RBMS3: variants seen among roughly 807,000 people sequenced by gnomAD.
The protein encoded by RBMS3 is RNA-binding motif, single-stranded-interacting protein 3.
RBMS3 carries 27 observed loss-of-function variants against 66.8 expected under a neutral mutation model. The observed-to-expected ratio is 0.40, with a 90% CI of 0.30 to 0.56. The LOEUF is 0.56. Among genes scored for constraint, RBMS3 ranks in the 20% least tolerant of loss-of-function variants. The pLI is 0.40. For synonymous variants in RBMS3, 188 were observed against 183.0 expected (o/e 1.03, Z -0.22); for missense variants, 513 against 549.5 (o/e 0.93, Z 0.66).
chr3:29,331,714 A>G (rs1043520339), intron 1 of RBMS3, among the ~76,000 whole-genome samples: 2 of 151,438 alleles, frequency 1.3e-5, no homozygotes, highest in Admixed American at 6.6e-5. Context: ...GATTCTGTCC[A>G]TGGAAATCAC....
chr3:29,656,075 T>A, intron 4 of RBMS3, among the ~76,000 whole-genome samples: 1 of 152,156 alleles, frequency 6.6e-6, no homozygotes, highest in East Asian at 1.9e-4. Flanking sequence ...AGTCAAAAAG[T>A]TTTTTTAATT....
At chr3:29,320,936 TA>T (rs527826804) in intron 1 of RBMS3, among the ~76,000 whole-genome samples, 3,140 of 144,148 alleles carry the variant, frequency 0.022, 89 homozygotes, top group African/African-American at 0.068. Context: ...TTTGTGAATG[TA>T]AAAAAAAAAA....
At chr3:29,332,090 G>T (rs538236454) in intron 1 of RBMS3, among the ~76,000 whole-genome samples, 1 of 151,770 alleles carries the variant, frequency 6.6e-6, no homozygotes, top group Non-Finnish European at 1.5e-5. Flanking sequence ...AGTATACCTA[G>T]GTTTGTGATA....
intron 11 of RBMS3, among the ~76,000 whole-genome samples, chr3:29,939,337 T>C (rs1407997841): frequency 2.0e-5 from 3 of 151,968 alleles, no homozygotes; most frequent in Admixed American, 1.3e-4. Context: ...TTAGAGAAGA[T>C]GTATTTTCCA....
chr3:29,324,812 T>C (rs2035223857), intron 1 of RBMS3, among the ~76,000 whole-genome samples: 1 of 152,146 alleles, frequency 6.6e-6, no homozygotes, highest in African/African-American at 2.4e-5. Flanking sequence ...CTTTCCAGCC[T>C]GCCTGCCTAT....
intron 6 of RBMS3, among the ~76,000 whole-genome samples, chr3:29,789,103 A>C (rs2056919446): frequency 6.6e-6 from 1 of 152,132 alleles, no homozygotes; most frequent in Non-Finnish European, 1.5e-5. Flanking sequence ...TTAATTCCCA[A>C]GAACTTTATC....
Position 29,922,347 on chromosome 3 carries a change from C to T in RBMS3, c.940-13739C>T, listed in dbSNP as rs546631131. 1.9e-3 allele frequency among the ~76,000 whole-genome samples: 284 copies of T among 151,376 alleles called. 2 individuals are homozygous for T. Among genetic ancestry groups the T allele is most frequent in the African/African-American group, 6.4e-3 (263 of 41,292 alleles). On this transcript the variant is annotated intron_variant, in intron 10 of 14. Coordinates refer to ENST00000383767, the MANE Select transcript of RBMS3 (RefSeq NM_001003793.3). Reference sequence around the variant, plus strand: ...CTAAAAATACAAAAAATTAGCCGGGCGCGGTGGCGGGCGCCTGTAGTCCCA... The same window carrying T: ...CTAAAAATACAAAAAATTAGCCGGGTGCGGTGGCGGGCGCCTGTAGTCCCA...
At chr3:29,397,888 T>C (rs2039628851) in intron 1 of RBMS3, among the ~76,000 whole-genome samples, 1 of 152,058 alleles carries the variant, frequency 6.6e-6, no homozygotes, top group East Asian at 1.9e-4. Context: ...TGCAGACAGG[T>C]GATTCCATAG....
chr3:29,329,158 A>C (rs1280819757), intron 1 of RBMS3, among the ~76,000 whole-genome samples: 1 of 152,092 alleles, frequency 6.6e-6, no homozygotes, highest in Admixed American at 6.6e-5. Context: ...TTTGCCCCTG[A>C]ACTTCAATTA....
intron 3 of RBMS3, among the ~76,000 whole-genome samples, chr3:29,574,064 C>T (rs571003719): frequency 6.6e-6 from 1 of 152,254 alleles, no homozygotes; most frequent in African/African-American, 2.4e-5. Context: ...TTGTAAATAT[C>T]TATTAGGTCC....
chr3:29,336,546 A>G (rs945511192), intron 1 of RBMS3, among the ~76,000 whole-genome samples: 1 of 152,172 alleles, frequency 6.6e-6, no homozygotes, highest in Non-Finnish European at 1.5e-5. Context: ...TTGCGGAACG[A>G]AAGGATTACT....
At chr3:29,566,222 A>C (rs1376546290) in intron 3 of RBMS3, among the ~76,000 whole-genome samples, 1 of 152,142 alleles carries the variant, frequency 6.6e-6, no homozygotes, top group Non-Finnish European at 1.5e-5. Flanking sequence ...TAAACAAATA[A>C]AATAATCCAC....
chr3:29,394,434 C>G (rs958995142), intron 1 of RBMS3, among the ~76,000 whole-genome samples: 1 of 152,040 alleles, frequency 6.6e-6, no homozygotes, highest in Non-Finnish European at 1.5e-5. Flanking sequence ...ATCACAGGGT[C>G]CTGAGGAGAC....
At chr3:29,348,792 G>A (rs1005185749) in intron 1 of RBMS3, among the ~76,000 whole-genome samples, 3 of 152,220 alleles carry the variant, frequency 2.0e-5, no homozygotes, top group East Asian at 1.9e-4. Context: ...GCTCAATTCC[G>A]AAATTAGAAT....
intron 1 of RBMS3, among the ~76,000 whole-genome samples, chr3:29,378,330 G>A (rs760958188): frequency 2.5e-4 from 38 of 152,138 alleles, no homozygotes; most frequent in Non-Finnish European, 4.1e-4. Context: ...AAATTAGCCG[G>A]GGGTGGTGGT....
At chr3:29,479,566 C>G (rs186187744) in intron 2 of RBMS3, among the ~76,000 whole-genome samples, 1 of 151,996 alleles carries the variant, frequency 6.6e-6, no homozygotes, top group African/African-American at 2.4e-5. Flanking sequence ...TGCTTTCATA[C>G]AGGCTGTGAG....
rs75904705 is a variant in RBMS3, at chr3:29,924,255, T to C, written c.940-11831T>C. Among the ~76,000 whole-genome samples, 538 of 152,314 alleles carry C rather than the reference T, an allele frequency of 3.5e-3. 6 individuals are homozygous for C. Among genetic ancestry groups the C allele is most frequent in the African/African-American group, 0.012 (503 of 41,558 alleles). Reference sequence around the variant, plus strand: ...AAATGGATGTCACATTCCTTGCTCATTTATTATTTTAATCTGTCTTTCAAC... The same window carrying C: ...AAATGGATGTCACATTCCTTGCTCACTTATTATTTTAATCTGTCTTTCAAC... On this transcript the variant is annotated intron_variant, in intron 10 of 14. Transcript: ENST00000383767.
intron 6 of RBMS3, among the ~76,000 whole-genome samples, chr3:29,856,514 G>C (rs2059081058): frequency 6.6e-6 from 1 of 152,226 alleles, no homozygotes; most frequent in South Asian, 2.1e-4. Flanking sequence ...TCCGATAGGT[G>C]GGCATGTGGG....
intron 3 of RBMS3, among the ~76,000 whole-genome samples, chr3:29,536,797 G>A (rs1369924597): frequency 1.4e-4 from 21 of 152,210 alleles, no homozygotes; most frequent in Admixed American, 1.4e-3. Context: ...TTCTGTGCCT[G>A]TGTCTCTTGC....
Sources: allele counts gnomAD v4.1 joint callset (sites outside exome capture counted in the v4.1 genomes callset), GRCh38; gene constraint gnomAD v4.1.1; transcripts MANE v1.5; gene names NCBI Gene and HGNC (gene_info 2026-07-23, HGNC 2026-07-21).